Variants in COL6A1 observed in about 807,000 individuals in gnomAD.
The protein encoded by COL6A1 is collagen type VI alpha 1 chain, also known as collagen alpha-1(VI) chain.
COL6A1 carries 80 observed loss-of-function variants against 145.6 expected under a neutral mutation model. The ratio of observed to expected loss-of-function variants is 0.55; its 90% CI spans 0.46 to 0.66. The LOEUF (loss-of-function observed/expected upper bound fraction) is 0.66. Among genes scored for constraint, COL6A1 ranks in the 30% least tolerant of loss-of-function variants. The pLI is 0.00. For missense variants in COL6A1, 1,364 were observed against 1,473.8 expected, an observed-to-expected ratio of 0.93 and a Z score of 1.22; for synonymous variants, 638 against 622.8, an observed-to-expected ratio of 1.02 and a Z score of -0.36.
rs1006893394 is a variant in COL6A1 at position 46,002,107 on chromosome 21, C to G, written c.2066+37C>G. The G allele has an allele frequency of 5.0e-6, 8 of 1,587,152 alleles. No individual in the cohort carries two copies. In the Admixed American group the frequency reaches 5.4e-5, roughly 11 times the overall value. ...ACGCGGCCAGGACCCTCCCACCCCTCGCCCCGACCGCTGTTCCCACGGCAG... is the reference window on the plus strand; with the variant it reads ...ACGCGGCCAGGACCCTCCCACCCCTGGCCCCGACCGCTGTTCCCACGGCAG... On this transcript the variant is annotated intron_variant, in intron 31 of 34. Coordinates refer to ENST00000361866, the MANE Select transcript of COL6A1 (RefSeq NM_001848.3).
chr21:45,994,668 C>A lies in COL6A1; in HGVS notation c.1398+439C>A, dbSNP rs973602323. On this transcript the variant is annotated intron_variant, in intron 20 of 34. Transcript: ENST00000361866. This position sits in a 1 kb window ranked among gnomAD's most constrained non-coding sequence, Gnocchi z 6.8. The stretch of plus-strand genomic sequence containing the variant: ...GGAGGTTTCCAGAATCCCAGGGTGT[C>A]AGGATGAAAATGCACTTTCATCTCA... 2.6e-5 allele frequency among the ~76,000 whole-genome samples: 4 copies of A among 152,134 alleles called. No individual in the cohort carries two copies. Among genetic ancestry groups the A allele is most frequent in the African/African-American group, 4.8e-5 (2 of 41,412 alleles).
intron 19 of COL6A1, 89 bp downstream of exon 19, chr21:45,992,899 C>T (rs2077785013): frequency 8.4e-7 from 1 of 1,191,474 alleles, no homozygotes; most frequent in Non-Finnish European, 1.2e-6. Context: ...CCACAGGACA[C>T]ATCATGAAGC....
chr21:46,000,311 C>G lies in COL6A1; in HGVS notation c.1777-20C>G, dbSNP rs370422200. ...GAGGGGCTGTCTATGGCCCCAGTACCCTCGTCTCTCCCTCCCCAGGAATGC... is the reference window on the plus strand; with the variant it reads ...GAGGGGCTGTCTATGGCCCCAGTACGCTCGTCTCTCCCTCCCCAGGAATGC... On this transcript the variant is annotated intron_variant, in intron 27 of 34. Coordinates refer to ENST00000361866, the MANE Select transcript of COL6A1 (RefSeq NM_001848.3). 13 of 1,613,744 alleles carry G rather than the reference C, an allele frequency of 8.1e-6. No individual in the cohort carries two copies. The African/African-American group carries it at 1.7e-4, about 22-fold the overall frequency.
At chr21:45,996,348 G>T (rs1013664648) in intron 20 of COL6A1, among the ~76,000 whole-genome samples, 7 of 152,248 alleles carry the variant, frequency 4.6e-5, no homozygotes, top group Non-Finnish European at 8.8e-5. Flanking sequence ...AGTCCTGACT[G>T]CTGGGGCGTT....
rs140478280 is a variant in COL6A1 at position 45,992,214 on chromosome 21, C to T, written c.1233C>T (p.Asp411=). Residue 411 remains aspartate (D), a synonymous_variant, in exon 17 of 35, where the codon GAC becomes GAT. Coordinates refer to ENST00000361866, the MANE Select transcript of COL6A1 (RefSeq NM_001848.3). The stretch of plus-strand genomic sequence containing the variant: ...CCGGAGAGAAAGGAGAGGCGGGCGA[C>T]GAGGTGAGTGAGGGCTCCTGACACC... ...GPPGEKGEAG[D]EGNPGPDGAP... is the part of the protein sequence containing the mutation. The T allele has an allele frequency of 4.6e-5, 74 of 1,613,400 alleles. No individual in the cohort carries two copies. The African/African-American group carries it at 4.8e-4, about 10-fold the overall frequency.
chr21:45,991,131 C>A (rs898565129), intron 15 of COL6A1, 90 bp downstream of exon 15: 6 of 1,437,170 alleles, frequency 4.2e-6, no homozygotes, highest in African/African-American at 1.4e-5. Flanking sequence ...AGTCCTGGTC[C>A]GAGCATGTCG....
At position 45,987,104 on chromosome 21, in the gene COL6A1, C is replaced by T. The variant is rs114454809; in HGVS notation, c.717+32C>T. 2.1e-3 allele frequency: 3,256 copies of T among 1,568,912 alleles called. 69 individuals are homozygous for T. The African/African-American group carries it at 0.039, about 19-fold the overall frequency. On this transcript the variant is annotated intron_variant, in intron 5 of 34. Coordinates refer to ENST00000361866, the MANE Select transcript of COL6A1 (RefSeq NM_001848.3). ...CCCCTGCCCAGGAGACGGGGAGGCC[C>T]GCGGCGGCCGCAGGTGGAAAGTAAT... is the stretch of plus-strand genomic sequence containing the variant.
intron 6 of COL6A1, 158 bp from the exon 7 acceptor site, chr21:45,987,341 T>G: frequency 6.9e-7 from 1 of 1,459,378 alleles, no homozygotes; most frequent in Non-Finnish European, 9.5e-7. Context: ...CCCCTGCGTG[T>G]CCACCTGTGT....
At chr21:45,989,047 C>G (rs540470092) in intron 8 of COL6A1, 37 bp from the exon 9 acceptor site, 1 of 1,603,726 alleles carries the variant, frequency 6.2e-7, no homozygotes, top group South Asian at 1.1e-5. Flanking sequence ...TAGAAAGAAA[C>G]GGGGCTGCCC....
Position 46,004,672 on chromosome 21 carries a change from G to T in COL6A1, c.*659G>T, listed in dbSNP as rs568352795. The T allele has an allele frequency of 2.2e-6, 1 of 448,108 alleles. No individual in the cohort carries two copies. The highest frequency in any genetic ancestry group is 2.0e-5 in the African/African-American group (1 of 49,842). The allele number at this position is 448,108 out of a possible 1,614,324, so 27.8% of individuals were successfully genotyped here. A position where few individuals can be genotyped will look rare whatever the true frequency, so the allele number is the denominator to read the frequency against. ...CGGCGACTCGGCCCCGTCTCCTGAG[G>T]GTCCTGCTGGTGACCGGCCTGGACC... On this transcript the variant is annotated 3_prime_UTR_variant, in exon 35 of 35. Coordinates refer to ENST00000361866, the MANE Select transcript of COL6A1 (RefSeq NM_001848.3).
chr21:45,991,065 G>A (rs367637279), intron 15 of COL6A1, 24 bp downstream of exon 15: 2 of 1,611,824 alleles, frequency 1.2e-6, no homozygotes, highest in South Asian at 2.2e-5. Context: ...GGCCCCTGGA[G>A]GACCAGGGCC....
chr21:45,997,811 G>T (rs1342072587), intron 22 of COL6A1, 49 bp downstream of exon 22: 1 of 1,544,422 alleles, frequency 6.5e-7, no homozygotes, highest in African/African-American at 1.4e-5. Context: ...GGCCGCCAGA[G>T]GCCCTGGGAA....
Position 45,992,178 on chromosome 21 carries a change from G to T in COL6A1, c.1197G>T (p.Glu399Asp). 1 of 1,613,796 alleles carries T rather than the reference G, an allele frequency of 6.2e-7. No homozygotes were observed. The highest frequency in any genetic ancestry group is 8.5e-7 in the Non-Finnish European group (1 of 1,180,002). The change falls in exon 17 of 35, where the codon GAG (glutamate) becomes GAT (aspartate). Residue 399 changes from glutamate to aspartate, a missense_variant. Transcript: ENST00000361866. Reference sequence around the variant, plus strand: ...GTTCCCCACAGGGCCAGCCGGGAGAGCCTGGGCCCCCCGGAGAGAAAGGAG... The same window carrying T: ...GTTCCCCACAGGGCCAGCCGGGAGATCCTGGGCCCCCCGGAGAGAAAGGAG... Reference protein sequence around the residue: ...GPSGDEGQPGEPGPPGEKGEA... With the variant: ...GPSGDEGQPGDPGPPGEKGEA...
chr21:45,992,280 G>GCT, intron 17 of COL6A1, 63 bp downstream of exon 17: 3 of 1,613,470 alleles, frequency 1.9e-6, no homozygotes, highest in Non-Finnish European at 2.5e-6. Flanking sequence ...GATCCTCTTT[G>GCT]CTCGGGGTCT....
intron 3 of COL6A1, among the ~76,000 whole-genome samples, chr21:45,984,703 T>TAGAGAC (rs2077727730): frequency 8.3e-6 from 1 of 120,084 alleles, no homozygotes; most frequent in African/African-American, 2.9e-5. Flanking sequence ...CAGAGAGAGA[T>TAGAGAC]AGAGACAGAG....
intron 2 of COL6A1, among the ~76,000 whole-genome samples, chr21:45,983,712 C>A (rs1038405116): frequency 6.6e-6 from 1 of 152,106 alleles, no homozygotes; most frequent in Non-Finnish European, 1.5e-5. Context: ...CGTGGCCCAG[C>A]GTCCCCCGAG....
In COL6A1 at chr21:45,992,986, T is replaced by C. The variant is rs558681383; in HGVS notation, c.1335+176T>C. ...AGCCCCTGAAGCCGGCGCCCAGCCA[T>C]GTGCCTGATGCTGGGACCTGTTTCA... On this transcript the variant is annotated intron_variant, in intron 19 of 34. Coordinates refer to ENST00000361866, the MANE Select transcript of COL6A1 (RefSeq NM_001848.3). Among the ~76,000 whole-genome samples, 83 of 152,342 alleles carry C rather than the reference T, an allele frequency of 5.4e-4. 1 individual carries two copies. The highest frequency in any genetic ancestry group is 1.7e-3 in the African/African-American group (72 of 41,582).
chr21:45,997,999 A>G, intron 22 of COL6A1, 122 bp from the exon 23 acceptor site: 1 of 1,301,072 alleles, frequency 7.7e-7, no homozygotes, highest in African/African-American at 1.5e-5. Flanking sequence ...GCCCCAGGGG[A>G]GGGAGCCGGC....
chr21:45,982,608 G>A (rs1402991060), intron 1 of COL6A1, 26 bp from the exon 2 acceptor site: 1 of 1,612,554 alleles, frequency 6.2e-7, no homozygotes, highest in South Asian at 1.1e-5. Context: ...AGAGCTTGAA[G>A]GCCCCTCTCC....
Sources: gnomAD v4.1 joint callset for allele counts (sites outside exome capture counted in the v4.1 genomes callset) on GRCh38, gnomAD v4.1.1 for gene constraint, Gnocchi (gnomAD v3.1) non-coding constraint, MANE v1.5 for transcripts, NCBI Gene and HGNC (gene_info 2026-07-23, HGNC 2026-07-21) for gene names.